Variants in DIAPH2 observed in about 807,000 individuals in gnomAD.
The protein encoded by DIAPH2 is protein diaphanous homolog 2.
A neutral mutation model predicts 92.7 loss-of-function variants in DIAPH2; 35 were observed. The observed-to-expected ratio is 0.38, with a 90% CI of 0.29 to 0.50. The LOEUF is 0.50. Among genes scored for constraint, DIAPH2 ranks in the 20% least tolerant of loss-of-function variants. The probability of loss-of-function intolerance (pLI) is 0.94; values close to 1 mark genes in which losing one functional copy is unlikely to be tolerated. For synonymous variants in DIAPH2, 301 were observed against 280.4 expected, an observed-to-expected ratio of 1.07 and a Z score of -0.73; for missense variants, 701 against 819.5, an observed-to-expected ratio of 0.86 and a Z score of 1.77.
In DIAPH2 at chrX:97,114,795, A is replaced by C; in HGVS notation, c.2419A>C (p.Ile807Leu). 8.3e-7 allele frequency: 1 copy of C among 1,211,306 alleles called. No individual in the cohort carries two copies. Among genetic ancestry groups the C allele is most frequent in the Non-Finnish European group, 1.1e-6 (1 of 895,125 alleles). ...ILFKLTFEEH[I>L]NNIKPSIIAV... ...GTTCAAGCTCACATTTGAAGAACAC[A>C]TAAACAACATCAAACCAAGCATCAT... The change falls in exon 21 of 27, where the codon ATA becomes CTA. Residue 807 changes from isoleucine to leucine, a missense_variant. Ile to Leu is a conservative substitution (Grantham distance 5). Around this residue, in one of 3 missense-constraint regions of DIAPH2, gnomAD observed 536 missense variants for 599.3 expected, o/e 0.89. Transcript: ENST00000324765.
chrX:97,343,455 GGTCAGGA>G (rs1321037767), intron 23 of DIAPH2, among the ~76,000 whole-genome samples: 2 of 111,496 alleles, frequency 1.8e-5, no homozygotes, highest in African/African-American at 6.5e-5. Flanking sequence ...GATCACCTGA[GGTCAGGA>G]GTTCAAGACC....
intron 21 of DIAPH2, among the ~76,000 whole-genome samples, chrX:97,127,146 CTAAT>C (rs1238603233): frequency 2.8e-5 from 3 of 107,931 alleles, no homozygotes; most frequent in African/African-American, 1.1e-4. Context: ...TCCCAATTCA[CTAAT>C]TAGTCACAAA....
intron 14 of DIAPH2, among the ~76,000 whole-genome samples, chrX:96,948,666 G>C (rs1452730378): frequency 1.8e-5 from 2 of 111,720 alleles, no homozygotes; most frequent in Non-Finnish European, 3.8e-5. Context: ...TGTGTGAAGA[G>C]AGACTTTTCA....
At chrX:97,541,211 G>T (rs1327373601) in intron 26 of DIAPH2, among the ~76,000 whole-genome samples, 1 of 111,828 alleles carries the variant, frequency 8.9e-6, no homozygotes, top group African/African-American at 3.3e-5. Context: ...AGAGTCAAGG[G>T]TTAAGTAGAA....
intron 26 of DIAPH2, among the ~76,000 whole-genome samples, chrX:97,585,909 A>G (rs758049097): frequency 5.9e-4 from 66 of 111,992 alleles, no homozygotes; most frequent in Non-Finnish European, 9.8e-4. Flanking sequence ...ATTTTTCAAA[A>G]TATCTACTCC....
chrX:97,275,302 G>T (rs1434287581), intron 23 of DIAPH2, among the ~76,000 whole-genome samples: 1 of 58,368 alleles, frequency 1.7e-5, no homozygotes, highest in Admixed American at 2.1e-4. Context: ...CGGGAGGGGC[G>T]GCTGGCCCGG....
intron 25 of DIAPH2, among the ~76,000 whole-genome samples, chrX:97,410,749 G>A (rs1214403160): frequency 8.9e-6 from 1 of 111,958 alleles, no homozygotes; most frequent in Non-Finnish European, 1.9e-5. Context: ...TGAGAACTAC[G>A]TGATGCATGC....
chrX:96,801,170 A>G (rs1479376792), intron 4 of DIAPH2, among the ~76,000 whole-genome samples: 3 of 112,459 alleles, frequency 2.7e-5, no homozygotes, highest in Non-Finnish European at 5.6e-5. Context: ...AAACCTCTGC[A>G]TCATTGTTTT....
chrX:97,509,991 C>A (rs1352882242), intron 26 of DIAPH2, among the ~76,000 whole-genome samples: 1 of 110,929 alleles, frequency 9.0e-6, no homozygotes, highest in Non-Finnish European at 1.9e-5. Flanking sequence ...GTCTTTATAG[C>A]AGCATGATTT....
At chrX:96,972,548 G>T (rs2065934286) in intron 17 of DIAPH2, among the ~76,000 whole-genome samples, 1 of 111,202 alleles carries the variant, frequency 9.0e-6, no homozygotes, top group South Asian at 3.8e-4. Context: ...GGAAAGAAAT[G>T]AATAAGATCT....
At chrX:96,877,509 A>G (rs758407990) in intron 4 of DIAPH2, among the ~76,000 whole-genome samples, 1 of 111,800 alleles carries the variant, frequency 8.9e-6, no homozygotes, top group South Asian at 3.8e-4. Flanking sequence ...GTATAGCTGA[A>G]AAGACCTGTG....
intron 25 of DIAPH2, among the ~76,000 whole-genome samples, chrX:97,387,044 GTTTTGTTTTGTTTTTTTGT>G (rs1222886284): frequency 1.8e-5 from 2 of 110,965 alleles, no homozygotes; most frequent in African/African-American, 6.6e-5. Context: ...TTTTGTTTTT[GTTTTGTTTTGTTTTTTTGT>G]TTTTGTTTTG....
At chrX:96,813,030 A>G (rs1330133232) in intron 4 of DIAPH2, among the ~76,000 whole-genome samples, 1 of 111,653 alleles carries the variant, frequency 9.0e-6, no homozygotes, top group Non-Finnish European at 1.9e-5. Context: ...GTAGATGTCT[A>G]TTAGGTCTGC....
At chrX:96,901,532 G>GTTTTTTT (rs369526046) in intron 5 of DIAPH2, among the ~76,000 whole-genome samples, 3 of 33,095 alleles carry the variant, frequency 9.1e-5, no homozygotes, top group Admixed American at 3.3e-4. Flanking sequence ...TTTTCTTTCT[G>GTTTTTTT]TTTTTTTTTT....
At chrX:96,876,859 T>A (rs1055516606) in intron 4 of DIAPH2, among the ~76,000 whole-genome samples, 1 of 110,889 alleles carries the variant, frequency 9.0e-6, no homozygotes, top group African/African-American at 3.3e-5. Flanking sequence ...TGTATACATA[T>A]GTAACAAACC....
At chrX:97,289,584 C>T (rs973351558) in intron 23 of DIAPH2, among the ~76,000 whole-genome samples, 1 of 111,608 alleles carries the variant, frequency 9.0e-6, no homozygotes, top group African/African-American at 3.3e-5. Flanking sequence ...GATGCCTGGA[C>T]ACCATCCCAG....
chrX:97,532,470 A>G (rs2071066777), intron 26 of DIAPH2, among the ~76,000 whole-genome samples: 1 of 112,630 alleles, frequency 8.9e-6, no homozygotes, highest in Non-Finnish European at 1.9e-5. Flanking sequence ...GCCCAGTGTC[A>G]TCCCCAGAAG....
intron 21 of DIAPH2, among the ~76,000 whole-genome samples, chrX:97,125,212 C>T (rs986172926): frequency 8.1e-5 from 9 of 111,086 alleles, no homozygotes; most frequent in African/African-American, 2.6e-4. Context: ...CGGTGGCTCA[C>T]GCCTGTAATC....
intron 22 of DIAPH2, among the ~76,000 whole-genome samples, chrX:97,161,149 G>C (rs961204671): frequency 1.9e-4 from 20 of 103,525 alleles, no homozygotes; most frequent in Non-Finnish European, 2.7e-4. Context: ...AGAATTCCAT[G>C]ATCCGAAAGA....
Sources: allele counts gnomAD v4.1 joint callset (sites outside exome capture counted in the v4.1 genomes callset), GRCh38; gene constraint gnomAD v4.1.1; regional missense constraint gnomAD v4.1.1; transcripts MANE v1.5; gene names NCBI Gene and HGNC (gene_info 2026-07-23, HGNC 2026-07-21).